Variants in HACD2 observed in about 807,000 individuals in gnomAD.
HACD2 encodes the protein very-long-chain (3R)-3-hydroxyacyl-CoA dehydratase 2.
A neutral mutation model predicts 31.0 loss-of-function variants in HACD2; 15 were observed. That is an observed-to-expected ratio of 0.48 (90% confidence interval 0.32 to 0.75). The LOEUF (loss-of-function observed/expected upper bound fraction) is 0.75. Ranked by LOEUF, HACD2 falls within the 30% of genes least tolerant of loss-of-function variation. The pLI, the probability that HACD2 is intolerant of heterozygous loss-of-function variation, is 0.03. For missense variants in HACD2, 283 were observed against 313.0 expected, an observed-to-expected ratio of 0.90 and a Z score of 0.72; for synonymous variants, 115 against 122.2, an observed-to-expected ratio of 0.94 and a Z score of 0.39.
intron 3 of HACD2, among the ~76,000 whole-genome samples, chr3:123,536,115 C>G (rs2056422387): frequency 6.6e-6 from 1 of 152,042 alleles, no homozygotes; most frequent in Admixed American, 6.6e-5. Context: ...CTTTTCTTCC[C>G]TTAAAATTTA....
chr3:123,496,399 T>C (rs2055833365), intron 6 of HACD2, among the ~76,000 whole-genome samples: 1 of 152,110 alleles, frequency 6.6e-6, no homozygotes, highest in Non-Finnish European at 1.5e-5. Context: ...TCCTGACAAG[T>C]TTCTTCCTTT....
rs960896465 is a variant in HACD2, at chr3:123,541,956, G to A, written c.293-13482C>T. ...AGGTCAGGAGATCGAGACCATCCCG[G>A]CTAAAACGGTGAAACCCCGTCTCTA... On this transcript the variant is annotated intron_variant, in intron 3 of 6. Coordinates refer to ENST00000383657, the MANE Select transcript of HACD2 (RefSeq NM_198402.5). Among the ~76,000 whole-genome samples the A allele has an allele frequency of 4.6e-5, 7 of 151,616 alleles. No homozygotes were observed. In the South Asian group the frequency reaches 1.5e-3, roughly 32 times the overall value.
intron 1 of HACD2, chr3:123,584,622 G>C (rs1487013993): frequency 9.4e-6 from 3 of 317,920 alleles, no homozygotes; most frequent in Non-Finnish European, 1.7e-5. Context: ...GCCAGCGCCC[G>C]GCAGCCGTCC....
chr3:123,551,859 A>G (rs1461672433), intron 3 of HACD2, among the ~76,000 whole-genome samples: 1 of 152,192 alleles, frequency 6.6e-6, no homozygotes, highest in East Asian at 1.9e-4. Flanking sequence ...AAATCACAAT[A>G]TATCTATATA....
intron 2 of HACD2, among the ~76,000 whole-genome samples, chr3:123,576,798 T>C (rs1284764077): frequency 1.3e-5 from 2 of 152,206 alleles, no homozygotes; most frequent in Non-Finnish European, 2.9e-5. Flanking sequence ...AAAGAAAAAC[T>C]GGCAGGGAGA....
chr3:123,524,783 G>A lies in HACD2; in HGVS notation c.381+3603C>T, dbSNP rs140475982. Among the ~76,000 whole-genome samples the A allele has an allele frequency of 2.0e-4, 30 of 152,082 alleles. No individual in the cohort carries two copies. The East Asian group carries it at 2.9e-3, about 15-fold the overall frequency. On this transcript the variant is annotated intron_variant, in intron 4 of 6. Coordinates refer to ENST00000383657, the MANE Select transcript of HACD2 (RefSeq NM_198402.5). The stretch of plus-strand genomic sequence containing the variant: ...ATCACAGGTGTGAGCCACTGTGCCC[G>A]GCCACCATCATGTTTTTAAAGGGTG...
chr3:123,496,689 T>C (rs2055837426), intron 6 of HACD2, among the ~76,000 whole-genome samples: 1 of 152,198 alleles, frequency 6.6e-6, no homozygotes, highest in Non-Finnish European at 1.5e-5. Flanking sequence ...AATTAAACCA[T>C]TAGGAATGTT....
intron 4 of HACD2, among the ~76,000 whole-genome samples, chr3:123,524,121 T>C (rs1393999016): frequency 1.3e-5 from 2 of 152,158 alleles, no homozygotes; most frequent in Non-Finnish European, 2.9e-5. Flanking sequence ...AGGCTTCAAG[T>C]AAACTAAGTA....
intron 4 of HACD2, among the ~76,000 whole-genome samples, chr3:123,512,017 G>C (rs554973167): frequency 6.6e-6 from 1 of 152,276 alleles, no homozygotes; most frequent in South Asian, 2.1e-4. Flanking sequence ...AGCAGCATGA[G>C]GCCCTCACCA....
intron 2 of HACD2, among the ~76,000 whole-genome samples, chr3:123,579,142 T>TA (rs1559938013): frequency 6.6e-6 from 1 of 152,234 alleles, no homozygotes; most frequent in Non-Finnish European, 1.5e-5. Context: ...GATATTTTCC[T>TA]AAATCCCTAT....
chr3:123,508,174 C>T (rs922977590), intron 4 of HACD2, among the ~76,000 whole-genome samples: 3 of 152,080 alleles, frequency 2.0e-5, no homozygotes, highest in Non-Finnish European at 2.9e-5. Flanking sequence ...GTCATAAAGC[C>T]GTTTCAAAGT....
At chr3:123,540,643 C>A (rs1206074939) in intron 3 of HACD2, among the ~76,000 whole-genome samples, 1 of 152,142 alleles carries the variant, frequency 6.6e-6, no homozygotes, top group Non-Finnish European at 1.5e-5. Context: ...GAAATTCCCA[C>A]CCTATTATTT....
chr3:123,496,036 T>C (rs1576722508), intron 6 of HACD2, among the ~76,000 whole-genome samples: 1 of 152,226 alleles, frequency 6.6e-6, no homozygotes. Context: ...TTTATTGTTA[T>C]TATTTTTTTA....
intron 3 of HACD2, among the ~76,000 whole-genome samples, chr3:123,537,200 AGAGTT>A (rs1480611822): frequency 1.3e-5 from 2 of 152,242 alleles, no homozygotes; most frequent in Non-Finnish European, 2.9e-5. Flanking sequence ...TGTCCTTAAT[AGAGTT>A]AAGAGATGTT....
rs185214064 is a variant in HACD2, at chr3:123,493,754, C to A, written c.*1134G>T. 6.6e-6 allele frequency: 1 copy of A among 152,208 alleles called. No homozygotes were observed. The highest frequency in any genetic ancestry group is 6.5e-5 in the Admixed American group (1 of 15,282). The allele number at this position is 152,208 out of a possible 1,614,324, so 9.4% of individuals were successfully genotyped here. A position where few individuals can be genotyped will look rare whatever the true frequency, so the allele number is the denominator to read the frequency against. On this transcript the variant is annotated 3_prime_UTR_variant, in exon 7 of 7. Transcript: ENST00000383657. ...CCAAACTATTTCTTGGCTGCTCCAA[C>A]ATGCGGAGATGACACTGCTTTTAGC...
At chr3:123,578,119 C>G (rs925921490) in intron 2 of HACD2, among the ~76,000 whole-genome samples, 2 of 152,200 alleles carry the variant, frequency 1.3e-5, no homozygotes, top group Non-Finnish European at 2.9e-5. Context: ...TAAATGAAAT[C>G]ATACTATTTG....
chr3:123,525,524 A>T (rs1007394841), intron 4 of HACD2, among the ~76,000 whole-genome samples: 1 of 152,230 alleles, frequency 6.6e-6, no homozygotes, highest in Non-Finnish European at 1.5e-5. Flanking sequence ...TCTTAAAAGG[A>T]AATATACCTC....
At chr3:123,508,342 C>T (rs528868939) in intron 4 of HACD2, among the ~76,000 whole-genome samples, 4 of 152,216 alleles carry the variant, frequency 2.6e-5, no homozygotes, top group South Asian at 2.1e-4. Context: ...AGGGAGGAGG[C>T]GGCTGGGTGT....
intron 4 of HACD2, among the ~76,000 whole-genome samples, chr3:123,512,167 T>C (rs914031210): frequency 1.3e-5 from 2 of 152,230 alleles, no homozygotes; most frequent in African/African-American, 4.8e-5. Flanking sequence ...TGTTTATTTC[T>C]GGATTTAACT....
Sources: allele counts gnomAD v4.1 joint callset (sites outside exome capture counted in the v4.1 genomes callset), GRCh38; gene constraint gnomAD v4.1.1; transcripts MANE v1.5; gene names NCBI Gene and HGNC (gene_info 2026-07-23, HGNC 2026-07-21).